The following COL2A1 variants were observed in gnomAD, a reference collection of about 807,000 sequenced individuals.
COL2A1 encodes the protein collagen alpha-1(II) chain.
A neutral mutation model predicts 204.5 loss-of-function variants in COL2A1; 28 were observed. That is an observed-to-expected ratio of 0.14 (90% CI 0.10 to 0.19). COL2A1 has a LOEUF of 0.19. Among genes scored for constraint, COL2A1 ranks in the 10% least tolerant of loss-of-function variants. The pLI is 1.00. For synonymous variants in COL2A1, 708 were observed against 718.7 expected, an observed-to-expected ratio of 0.99 and a Z score of 0.24; for missense variants, 1,388 against 2,027.5, an observed-to-expected ratio of 0.68 and a Z score of 6.06.
rs780783419 is a variant in COL2A1, at chr12:47,975,549, G to C, written c.3654C>G (p.Ile1218Met). 1 of 1,604,948 alleles carries C rather than the reference G, an allele frequency of 6.2e-7. No individual in the cohort carries two copies. Among genetic ancestry groups the C allele is most frequent in the South Asian group, 1.1e-5 (1 of 91,092 alleles). The change falls in exon 51 of 54, where the codon ATC becomes ATG. Residue 1218 changes from isoleucine (I) to methionine (M), a missense_variant. Coordinates refer to ENST00000380518, the MANE Select transcript of COL2A1 (RefSeq NM_001844.5). ...CTAAGCCAGCAAAGGCGGACATGTC[G>C]ATGCCAGGGCCAGGGGGACCTGGAG... is the stretch of plus-strand genomic sequence containing the variant. ...PGPPGPPGPG[I>M]DMSAFAGLGP...
chr12:47,983,070 G>T (rs768614741), intron 32 of COL2A1, 23 bp downstream of exon 32: 3 of 1,613,246 alleles, frequency 1.9e-6, no homozygotes, highest in East Asian at 2.2e-5. Context: ...GAGGCAGCCC[G>T]CATTGGCCAA....
At chr12:47,986,519 G>C in intron 22 of COL2A1, 76 bp from the exon 23 acceptor site, 1 of 953,196 alleles carries the variant, frequency 1.0e-6, no homozygotes, top group Non-Finnish European at 1.6e-6. Context: ...AGAGTATGAA[G>C]GAAGTAGCCT....
rs1056382493 is a variant in COL2A1 at position 47,987,622 on chromosome 12, C to T, written c.1210G>A (p.Ala404Thr). Residue 404 changes from alanine (A) to threonine (T), a missense_variant, in exon 19 of 54, where the codon GCT becomes ACT. Transcript: ENST00000380518. The surrounding 1 kb of genome is among the most constrained non-coding windows in gnomAD (Gnocchi z 4.1). ...EPGTPGSPGP[A>T]GASGNPGTDG... ...GAAGCTGCACTTACGGAGGCACCAG[C>T]AGGCCCAGGGGACCCAGGAGTACCA... 4 of 1,612,382 alleles carry T rather than the reference C, an allele frequency of 2.5e-6. No homozygotes were observed. The African/African-American group carries it at 5.3e-5, about 22-fold the overall frequency.
chr12:47,973,533 G>A lies in COL2A1; in HGVS notation c.4338C>T (p.Gly1446=), dbSNP rs1321653333. ...DGCTKHTGKW[G]KTVIEYRSQK... is the part of the protein sequence containing the mutation. ...GTGACCGGTACTCGATAACAGTCTT[G>A]CCCCACTTACCGGTATGTTTCTAGG... Residue 1446 remains glycine (G), a synonymous_variant, in exon 54 of 54, where the codon GGC becomes GGT. Coordinates refer to ENST00000380518, the MANE Select transcript of COL2A1 (RefSeq NM_001844.5). 2 of 1,614,090 alleles carry A rather than the reference G, an allele frequency of 1.2e-6. No homozygotes were observed. The highest frequency in any genetic ancestry group is 1.7e-6 in the Non-Finnish European group (2 of 1,180,018).
At chr12:48,004,546 C>G (rs562122909), upstream of COL2A1, 663 of 478,688 alleles carry the variant, frequency 1.4e-3, 1 homozygote, top group Non-Finnish European at 2.2e-3. Flanking sequence ...TCGCCCAAAC[C>G]GCGGGCCGCC....
At position 47,981,476 on chromosome 12, in the gene COL2A1, G is replaced by A. The variant is rs1322442308; in HGVS notation, c.2410-80C>T. 6 of 1,320,356 alleles carry A rather than the reference G, an allele frequency of 4.5e-6. No homozygotes were observed. The Admixed American group carries it at 5.9e-5, about 13-fold the overall frequency. The allele number at this position is 1,320,356 out of a possible 1,614,324, so 81.8% of individuals were successfully genotyped here. A position where few individuals can be genotyped will look rare whatever the true frequency, so the allele number is the denominator to read the frequency against. ...GGAGAGGGCAAAGTGCATTTGGGGG[G>A]CCTTGCTCGTGGGAAGGGGGCTCCA... On this transcript the variant is annotated intron_variant, in intron 36 of 53. Transcript: ENST00000380518.
In COL2A1 at chr12:47,980,851, G is replaced by A. The variant is rs574470195; in HGVS notation, c.2517+64C>T. 8.1e-5 allele frequency: 125 copies of A among 1,534,356 alleles called. 1 individual carries two copies. In the South Asian group the frequency reaches 1.2e-3, roughly 14 times the overall value. On this transcript the variant is annotated intron_variant, in intron 38 of 53. Coordinates refer to ENST00000380518, the MANE Select transcript of COL2A1 (RefSeq NM_001844.5). The surrounding 1 kb of genome is among the most constrained non-coding windows in gnomAD (Gnocchi z 4.5). ...CCCTCCCTGACAAGCTCCGATGCCC[G>A]AGGGTGCTGGATGTGGAACTGGCCT... is the stretch of plus-strand genomic sequence containing the variant.
chr12:47,979,054 G>A (rs909021309), intron 41 of COL2A1, among the ~76,000 whole-genome samples: 9 of 151,884 alleles, frequency 5.9e-5, no homozygotes, highest in Non-Finnish European at 1.5e-5. Context: ...CCCTTCCTCA[G>A]GAGCCGCTCC....
intron 50 of COL2A1, 25 bp downstream of exon 50, chr12:47,975,938 G>C (rs750044717): frequency 6.4e-7 from 1 of 1,563,052 alleles, no homozygotes; most frequent in Non-Finnish European, 8.8e-7. Context: ...CACCTCGACA[G>C]CAGGGAAGGA....
chr12:48,001,467 G>C (rs1386808769), intron 1 of COL2A1, among the ~76,000 whole-genome samples: 1 of 152,236 alleles, frequency 6.6e-6, no homozygotes, highest in Admixed American at 6.5e-5. Flanking sequence ...AGGCGGTGAG[G>C]AAGGTGTGGG....
intron 1 of COL2A1, 66 bp downstream of exon 1, chr12:48,004,171 C>G (rs961678883): frequency 8.9e-6 from 11 of 1,236,444 alleles, no homozygotes; most frequent in Admixed American, 2.0e-5. Flanking sequence ...TGGAGCGGGC[C>G]GGGGAGAAGG....
intron 1 of COL2A1, 108 bp downstream of exon 1, chr12:48,004,129 C>T: frequency 1.2e-6 from 1 of 821,668 alleles, no homozygotes; most frequent in Admixed American, 2.0e-5. Context: ...ACCCCGGGAG[C>T]CGTTTTAGCC....
intron 6 of COL2A1, 74 bp downstream of exon 6, chr12:47,997,797 C>A: frequency 6.2e-7 from 1 of 1,610,750 alleles, no homozygotes. Flanking sequence ...GGTGACCAGG[C>A]CCTTAAACAC....
chr12:47,988,142 GTC>G (rs1394639655), intron 18 of COL2A1, among the ~76,000 whole-genome samples: 4 of 152,166 alleles, frequency 2.6e-5, no homozygotes, highest in African/African-American at 9.7e-5. Context: ...TCCCTTCTAA[GTC>G]TCTGAACATC....
At chr12:47,989,957 G>GT in intron 16 of COL2A1, 152 bp from the exon 17 acceptor site, 1 of 734,260 alleles carries the variant, frequency 1.4e-6, no homozygotes, top group Non-Finnish European at 2.4e-6. Flanking sequence ...TGCAGTTTTG[G>GT]TGTCTGTGCG....
intron 2 of COL2A1, chr12:47,998,958 A>G: frequency 6.4e-6 from 1 of 156,634 alleles, no homozygotes; most frequent in East Asian, 1.9e-4. Context: ...CCCAGTCAAT[A>G]ACCTCTCCTT....
At chr12:48,000,930 C>T (rs1331834275) in intron 1 of COL2A1, 1 of 152,312 alleles carries the variant, frequency 6.6e-6, no homozygotes, top group Non-Finnish European at 1.5e-5. Context: ...CTGGAGAGGC[C>T]CTGCCTCCAT....
rs575645356 is a variant in COL2A1 at position 47,997,726 on chromosome 12, A to G, written c.430-19T>C. 3 of 1,614,014 alleles carry G rather than the reference A, an allele frequency of 1.9e-6. No homozygotes were observed. In the East Asian group the frequency reaches 6.7e-5, roughly 36 times the overall value. On this transcript the variant is annotated intron_variant, in intron 6 of 53. Coordinates refer to ENST00000380518, the MANE Select transcript of COL2A1 (RefSeq NM_001844.5). ...GGGCACCCTTGGCATAAAGAGAAAAAGGCATCAATGGGAAGCAGTGTTTCT... is the reference window on the plus strand; with the variant it reads ...GGGCACCCTTGGCATAAAGAGAAAAGGGCATCAATGGGAAGCAGTGTTTCT...
Position 47,981,785 on chromosome 12 carries a change from A to G in COL2A1, c.2400T>C (p.Asn800=), listed in dbSNP as rs1635553. ...PIGPPGPAGA[N]GEKGEVGPPG... Reference sequence around the variant, plus strand: ...AGGAGCCGGGACTCACCTTCTCGCCATTAGCACCAGCTGGGCCAGGGGGGC... The same window carrying G: ...AGGAGCCGGGACTCACCTTCTCGCCGTTAGCACCAGCTGGGCCAGGGGGGC... Residue 800 remains asparagine (N), a synonymous_variant, in exon 36 of 54, where the codon AAT becomes AAC. Coordinates refer to ENST00000380518, the MANE Select transcript of COL2A1 (RefSeq NM_001844.5). 730,849 of 1,553,398 alleles carry G rather than the reference A, an allele frequency of 0.47. 173,672 individuals are homozygous for G. Among genetic ancestry groups the G allele is most frequent in the East Asian group, 0.57 (23,205 of 41,002 alleles).
Sources: allele counts gnomAD v4.1 joint callset (sites outside exome capture counted in the v4.1 genomes callset), GRCh38; gene constraint gnomAD v4.1.1; non-coding constraint Gnocchi (gnomAD v3.1); transcripts MANE v1.5; gene names NCBI Gene and HGNC (gene_info 2026-07-23, HGNC 2026-07-21).